LIMS1: variants seen among roughly 807,000 people sequenced by gnomAD.
The protein encoded by LIMS1 is LIM zinc finger domain containing 1, also known as LIM and senescent cell antigen-like-containing domain protein 1.
A neutral mutation model predicts 44.1 loss-of-function variants in LIMS1; 18 were observed. The observed-to-expected ratio is 0.41, with a 90% CI of 0.28 to 0.61. The LOEUF is 0.61. LIMS1 is among the 20% of genes least tolerant of loss of function. The pLI, the probability that LIMS1 is intolerant of heterozygous loss-of-function variation, is 0.32. For synonymous variants in LIMS1, 93 were observed against 149.1 expected (o/e 0.62, Z 2.74); for missense variants, 201 against 422.0 (o/e 0.48, Z 4.59).
At chr2:108,684,357 A>G (rs1481967138) in exon 10 of LIMS1, 1 of 152,860 alleles carries the variant, frequency 6.5e-6, no homozygotes, top group African/African-American at 2.4e-5. Flanking sequence ...CAGTATAAAC[A>G]TTAATTTACT....
rs578100324 is a variant in LIMS1, at chr2:108,675,882, G to C, written c.535G>C (p.Glu179Gln). ...GTGTGTCTTTCTCACGGACAGGAAG[G>C]AGCTGACTGCCGATGCACGGGAGCT... is the stretch of plus-strand genomic sequence containing the variant. Residue 179 changes from glutamate (E) to glutamine (Q), a missense_variant, in exon 6 of 10, where the codon GAG becomes CAG. By Grantham distance (29) the Glu-to-Gln change is conservative (BLOSUM62 2). This residue lies in a region of LIMS1 where 25 missense variants were observed against 24.0 expected (regional missense o/e 1.04). Transcript: ENST00000544547. 44 of 1,613,788 alleles carry C rather than the reference G, an allele frequency of 2.7e-5. No homozygotes were observed. Among genetic ancestry groups the C allele is most frequent in the Non-Finnish European group, 3.7e-5 (44 of 1,179,862 alleles).
chr2:108,575,721 T>C (rs1311692193), intron 1 of LIMS1, among the ~76,000 whole-genome samples: 2 of 152,224 alleles, frequency 1.3e-5, no homozygotes, highest in African/African-American at 4.8e-5. Context: ...TTCTTTAAAG[T>C]ATTTTATGTT....
intron 1 of LIMS1, chr2:108,621,498 A>C (rs1317202917): frequency 6.9e-7 from 1 of 1,443,776 alleles, no homozygotes; most frequent in African/African-American, 1.4e-5. Context: ...AGGTCAAGAC[A>C]TCTAATCTAG....
chr2:108,639,946 CT>C (rs748166236), intron 1 of LIMS1, among the ~76,000 whole-genome samples: 4 of 152,218 alleles, frequency 2.6e-5, no homozygotes, highest in Non-Finnish European at 5.9e-5. Context: ...TCCCAAAGCA[CT>C]TACACATCCA....
upstream of LIMS1, chr2:108,534,302 TC>T (rs1684033611): frequency 8.1e-6 from 1 of 123,574 alleles, no homozygotes; most frequent in Non-Finnish European, 1.6e-5. Flanking sequence ...CGCCTACCTC[TC>T]CAGTCCGCGC....
chr2:108,565,489 G>A (rs184114198), intron 1 of LIMS1, among the ~76,000 whole-genome samples: 28 of 152,304 alleles, frequency 1.8e-4, no homozygotes, highest in Admixed American at 1.8e-3. Context: ...ATATTAAAGT[G>A]AATGCTTAAG....
chr2:108,606,343 A>G (rs1028867906), intron 1 of LIMS1, among the ~76,000 whole-genome samples: 1 of 152,202 alleles, frequency 6.6e-6, no homozygotes, highest in Non-Finnish European at 1.5e-5. Context: ...CAGACTTTAC[A>G]TTTTTAAAAA....
intron 1 of LIMS1, among the ~76,000 whole-genome samples, chr2:108,628,938 A>T (rs527372357): frequency 6.6e-6 from 1 of 152,176 alleles, no homozygotes. Flanking sequence ...GCATTGAAAT[A>T]TTTTTTTAAA....
intron 1 of LIMS1, among the ~76,000 whole-genome samples, chr2:108,580,140 G>A (rs755655042): frequency 1.3e-5 from 2 of 152,186 alleles, no homozygotes; most frequent in East Asian, 3.8e-4. Flanking sequence ...ATTGAAGAAT[G>A]GGCTGAACTT....
At chr2:108,560,823 A>T (rs1396221942) in intron 1 of LIMS1, among the ~76,000 whole-genome samples, 2 of 152,130 alleles carry the variant, frequency 1.3e-5, no homozygotes, top group Non-Finnish European at 1.5e-5. Flanking sequence ...TAGTGTACCC[A>T]GTTAATATTT....
chr2:108,674,569 A>G (rs1173099810), intron 5 of LIMS1, among the ~76,000 whole-genome samples: 1 of 150,648 alleles, frequency 6.6e-6, no homozygotes, highest in Non-Finnish European at 1.5e-5. Flanking sequence ...AAGAATAAAA[A>G]AATTAGCCAG....
chr2:108,592,665 T>C (rs1399744439), intron 1 of LIMS1, among the ~76,000 whole-genome samples: 2 of 152,232 alleles, frequency 1.3e-5, no homozygotes, highest in Non-Finnish European at 2.9e-5. Flanking sequence ...ACTTGTTCTT[T>C]ATTCATTGAG....
intron 1 of LIMS1, among the ~76,000 whole-genome samples, chr2:108,635,570 G>T (rs1689190959): frequency 6.6e-6 from 1 of 151,658 alleles, no homozygotes; most frequent in Non-Finnish European, 1.5e-5. Context: ...GCGTGGTGGT[G>T]GGTGCCTGTA....
chr2:108,600,939 T>C (rs80143409), intron 1 of LIMS1, among the ~76,000 whole-genome samples: 2 of 152,130 alleles, frequency 1.3e-5, no homozygotes. Context: ...TTCTCTTTTT[T>C]CTTCACTTTT....
At chr2:108,572,207 T>C (rs1011296805) in intron 1 of LIMS1, among the ~76,000 whole-genome samples, 1 of 152,146 alleles carries the variant, frequency 6.6e-6, no homozygotes, top group Non-Finnish European at 1.5e-5. Flanking sequence ...TGTTGTGTCT[T>C]ACTGTTCTCT....
intron 1 of LIMS1, among the ~76,000 whole-genome samples, chr2:108,540,193 C>CTTTTTTTTTTTTTTTT (rs34386092): frequency 1.1e-5 from 1 of 93,316 alleles, no homozygotes; most frequent in Non-Finnish European, 2.0e-5. Context: ...GTACAGATTC[C>CTTTTTTTTTTTTTTTT]TTTTTTTTTT....
chr2:108,632,457 T>A (rs552725780), intron 1 of LIMS1, among the ~76,000 whole-genome samples: 218 of 152,274 alleles, frequency 1.4e-3, no homozygotes, highest in Non-Finnish European at 2.7e-3. Flanking sequence ...GGTCCAGGTG[T>A]CTCAAGGTCA....
chr2:108,548,704 C>G (rs966718333), intron 1 of LIMS1, among the ~76,000 whole-genome samples: 1 of 152,128 alleles, frequency 6.6e-6, no homozygotes, highest in Non-Finnish European at 1.5e-5. Flanking sequence ...ATTTTGGGAC[C>G]GTGAGAACAG....
At chr2:108,581,639 A>G (rs551834557) in intron 1 of LIMS1, among the ~76,000 whole-genome samples, 1 of 152,326 alleles carries the variant, frequency 6.6e-6, no homozygotes, top group Admixed American at 6.5e-5. Context: ...TATTATGTTT[A>G]GAAGAGGCTT....
Sources: gnomAD v4.1 joint callset for allele counts (sites outside exome capture counted in the v4.1 genomes callset) on GRCh38, gnomAD v4.1.1 for gene constraint, gnomAD v4.1.1 regional missense constraint, MANE v1.5 for transcripts, NCBI Gene and HGNC (gene_info 2026-07-23, HGNC 2026-07-21) for gene names.